SMARCB1: variants seen among roughly 807,000 people sequenced by gnomAD.
The protein encoded by SMARCB1 is SWI/SNF-related matrix-associated actin-dependent regulator of chromatin subfamily B member 1.
Under a neutral mutation model 49.0 loss-of-function variants are expected in SMARCB1, and 5 were observed. The ratio of observed to expected loss-of-function variants is 0.10; its 90% CI spans 0.05 to 0.21. The LOEUF (loss-of-function observed/expected upper bound fraction) is 0.21, where lower values mean the gene tolerates loss of function less well. SMARCB1 is among the 10% of genes least tolerant of loss of function. The pLI is 1.00. For missense variants in SMARCB1, 226 were observed against 509.2 expected, an observed-to-expected ratio of 0.44 and a Z score of 5.35; for synonymous variants, 201 against 200.1, an observed-to-expected ratio of 1.00 and a Z score of -0.04.
intron 3 of SMARCB1, among the ~76,000 whole-genome samples, chr22:23,797,345 G>T (rs1269261292): frequency 1.3e-5 from 2 of 149,296 alleles, no homozygotes; most frequent in East Asian, 2.0e-4. Context: ...GTTTCGCTCT[G>T]TCGCCCAGGC....
At chr22:23,833,422 G>C in intron 7 of SMARCB1, 150 bp from the exon 8 acceptor site, 1 of 1,101,684 alleles carries the variant, frequency 9.1e-7, no homozygotes. Context: ...GCCTCCAGCA[G>C]CTCCCTTGAG....
At chr22:23,800,413 C>G (rs1929066727) in intron 3 of SMARCB1, among the ~76,000 whole-genome samples, 1 of 152,188 alleles carries the variant, frequency 6.6e-6, no homozygotes, top group African/African-American at 2.4e-5. Flanking sequence ...AAAATGACAG[C>G]CTGATCATGT....
chr22:23,827,475 T>C (rs34568861), intron 7 of SMARCB1, among the ~76,000 whole-genome samples: 18,766 of 152,142 alleles, frequency 0.12, 1,253 homozygotes, highest in South Asian at 0.27. Flanking sequence ...CAGGTCAGGA[T>C]TTAGAGGCAG....
chr22:23,791,636 T>A, intron 1 of SMARCB1, 120 bp from the exon 2 acceptor site: 1 of 929,352 alleles, frequency 1.1e-6, no homozygotes, highest in Non-Finnish European at 1.8e-6. Context: ...GCCGAAAGCG[T>A]GGCGCCTGGG....
chr22:23,787,169 AATG>A lies in SMARCB1; in HGVS notation c.10_12del (p.Met4?), dbSNP rs769579890. 39 of 1,602,114 alleles carry A rather than the reference AATG, an allele frequency of 2.4e-5. No homozygotes were observed. Among genetic ancestry groups the A allele is most frequent in the African/African-American group, 6.7e-5 (5 of 74,114 alleles). On this transcript the variant is annotated start_lost and inframe_deletion, in exon 1 of 9. Coordinates refer to ENST00000644036, the MANE Select transcript of SMARCB1 (RefSeq NM_003073.5). ...TCCGGCCGCCCGCCTCTGCCGCCGC[AATG>A]ATGATGATGGCGCTGAGCAAGACCT...
At chr22:23,801,193 A>T in intron 4 of SMARCB1, 112 bp downstream of exon 4, 1 of 1,445,172 alleles carries the variant, frequency 6.9e-7, no homozygotes, top group Non-Finnish European at 9.7e-7. Flanking sequence ...TGTGCTCCCC[A>T]CAACGCCACA....
intron 5 of SMARCB1, among the ~76,000 whole-genome samples, chr22:23,812,848 C>T (rs1601417148): frequency 6.8e-6 from 1 of 146,708 alleles, no homozygotes; most frequent in Non-Finnish European, 1.5e-5. Flanking sequence ...CTATTTAGTA[C>T]AAAAAGTCCT....
intron 7 of SMARCB1, among the ~76,000 whole-genome samples, chr22:23,826,536 G>T (rs1601435203): frequency 2.0e-5 from 3 of 152,092 alleles, no homozygotes; most frequent in South Asian, 4.1e-4. Context: ...TGGGGTGGGG[G>T]TGCAGCAAGC....
intron 6 of SMARCB1, among the ~76,000 whole-genome samples, chr22:23,818,903 C>CA (rs1312891790): frequency 1.1e-4 from 16 of 152,032 alleles, no homozygotes; most frequent in Admixed American, 1.0e-3. Flanking sequence ...TGCAGTGGCG[C>CA]AGTTATGGCT....
At chr22:23,821,791 C>T (rs2030099559) in intron 6 of SMARCB1, among the ~76,000 whole-genome samples, 2 of 151,330 alleles carry the variant, frequency 1.3e-5, no homozygotes, top group South Asian at 4.2e-4. Context: ...GCGGAGGTTG[C>T]AGTGAGCCAA....
At chr22:23,801,203 A>G (rs1929133767) in intron 4 of SMARCB1, 122 bp downstream of exon 4, 2 of 1,359,480 alleles carry the variant, frequency 1.5e-6, no homozygotes, top group Non-Finnish European at 2.1e-6. Flanking sequence ...ACAACGCCAC[A>G]GTACCTCCTC....
rs1043615990 is a variant in SMARCB1, at chr22:23,835,142, A to T, written c.*962A>T. The T allele has an allele frequency of 6.6e-6, 9 of 1,367,050 alleles. No homozygotes were observed. The highest frequency in any genetic ancestry group is 8.5e-6 in the Non-Finnish European group (9 of 1,063,162). The allele number at this position is 1,367,050 out of a possible 1,614,324, so 84.7% of individuals were successfully genotyped here. A position where few individuals can be genotyped will look rare whatever the true frequency, so the allele number is the denominator to read the frequency against. On this transcript the variant is annotated 3_prime_UTR_variant, in exon 9 of 9. Coordinates refer to ENST00000644036, the MANE Select transcript of SMARCB1 (RefSeq NM_003073.5). The stretch of plus-strand genomic sequence containing the variant: ...CTCCCGGCCTGGTGCCAGCTCTTGG[A>T]GTTGACACGGTACAGGGAGGAGACA...
chr22:23,788,505 A>G (rs1174783228), intron 1 of SMARCB1, among the ~76,000 whole-genome samples: 4 of 152,116 alleles, frequency 2.6e-5, no homozygotes, highest in Non-Finnish European at 5.9e-5. Flanking sequence ...TCCTGGGCTC[A>G]AGCGATCCTC....
intron 7 of SMARCB1, chr22:23,826,051 C>T (rs1281712976): frequency 3.3e-5 from 5 of 153,302 alleles, no homozygotes; most frequent in Admixed American, 6.5e-5. Flanking sequence ...AGTCCAGTGT[C>T]CTCTGTGGTA....
At chr22:23,824,596 C>A in intron 6 of SMARCB1, 1 of 156,152 alleles carries the variant, frequency 6.4e-6, no homozygotes, top group Non-Finnish European at 1.4e-5. Flanking sequence ...CAGGTGTCCA[C>A]TAGTGGAAAA....
chr22:23,808,479 A>G (rs966543216), intron 5 of SMARCB1, among the ~76,000 whole-genome samples: 3 of 151,546 alleles, frequency 2.0e-5, no homozygotes, highest in African/African-American at 7.3e-5. Flanking sequence ...GATGGTCTCG[A>G]TCTCCTGACC....
chr22:23,810,743 T>C (rs1406753280), intron 5 of SMARCB1, among the ~76,000 whole-genome samples: 1 of 151,596 alleles, frequency 6.6e-6, no homozygotes, highest in Non-Finnish European at 1.5e-5. Flanking sequence ...GATTTAAGGC[T>C]TTAAGGCTGG....
At chr22:23,797,503 A>G (rs535400985) in intron 3 of SMARCB1, among the ~76,000 whole-genome samples, 4 of 120,874 alleles carry the variant, frequency 3.3e-5, no homozygotes, top group East Asian at 2.9e-4. Flanking sequence ...GTAGAGATGG[A>G]GTTTTATTGT....
At chr22:23,822,631 G>GCTACAGTCCCTCGC (rs2030153835) in intron 6 of SMARCB1, among the ~76,000 whole-genome samples, 1 of 152,216 alleles carries the variant, frequency 6.6e-6, no homozygotes, top group African/African-American at 2.4e-5. Flanking sequence ...ACTGCTCTCT[G>GCTACAGTCCCTCGC]CTACAGTCCC....
Sources: gnomAD v4.1 joint callset for allele counts (sites outside exome capture counted in the v4.1 genomes callset) on GRCh38, gnomAD v4.1.1 for gene constraint, MANE v1.5 for transcripts, NCBI Gene and HGNC (gene_info 2026-07-23, HGNC 2026-07-21) for gene names.